The following CADM2 variants were observed in gnomAD, a reference collection of about 807,000 sequenced individuals.
CADM2 encodes the protein immunoglobulin superfamily member 4D.
A neutral mutation model predicts 49.8 loss-of-function variants in CADM2; 12 were observed. The observed-to-expected ratio is 0.24, with a 90% CI of 0.15 to 0.39. The LOEUF (loss-of-function observed/expected upper bound fraction) is 0.39. CADM2 is among the 10% of genes least tolerant of loss of function. CADM2 has a pLI of 1.00. For missense variants in CADM2, 378 were observed against 492.3 expected, an observed-to-expected ratio of 0.77 and a Z score of 2.20; for synonymous variants, 214 against 175.4, an observed-to-expected ratio of 1.22 and a Z score of -1.74.
At chr3:85,509,278 G>A (rs1423253309) in intron 1 of CADM2, among the ~76,000 whole-genome samples, 1 of 152,068 alleles carries the variant, frequency 6.6e-6, no homozygotes, top group Non-Finnish European at 1.5e-5. Context: ...AACTATAGTA[G>A]GGGAAAGTAG....
At chr3:85,991,404 G>T (rs182176386) in intron 8 of CADM2, among the ~76,000 whole-genome samples, 1 of 152,060 alleles carries the variant, frequency 6.6e-6, no homozygotes, top group Non-Finnish European at 1.5e-5. Flanking sequence ...TCTATAGTAG[G>T]ATAAAACAGA....
chr3:85,902,130 C>G (rs1227384179), intron 5 of CADM2, among the ~76,000 whole-genome samples: 1 of 151,936 alleles, frequency 6.6e-6, no homozygotes, highest in Non-Finnish European at 1.5e-5. Context: ...GCTTTCAATT[C>G]TCTTGAGTAT....
intron 8 of CADM2, among the ~76,000 whole-genome samples, chr3:86,017,748 A>C (rs564742660): frequency 8.6e-5 from 13 of 151,336 alleles, no homozygotes; most frequent in African/African-American, 3.1e-4. Flanking sequence ...AAAAGAAAGA[A>C]AAAGAAGAAG....
chr3:85,962,780 C>A (rs1577794849), intron 8 of CADM2, among the ~76,000 whole-genome samples: 2 of 151,860 alleles, frequency 1.3e-5, no homozygotes, highest in South Asian at 4.1e-4. Flanking sequence ...ACCAAGAAAA[C>A]TTTTCTGGGA....
chr3:85,432,829 T>C (rs1433708), intron 1 of CADM2, among the ~76,000 whole-genome samples: 85,973 of 151,900 alleles, frequency 0.57, 25,332 homozygotes, highest in East Asian at 0.83. Flanking sequence ...AAACTAAGTT[T>C]TGAAACCTCT....
intron 1 of CADM2, among the ~76,000 whole-genome samples, chr3:85,694,342 A>G (rs1238190501): frequency 6.6e-6 from 1 of 152,206 alleles, no homozygotes; most frequent in African/African-American, 2.4e-5. Flanking sequence ...CTTCCTTGTA[A>G]GAGGAAGGGA....
At chr3:85,353,131 T>A (rs190089870) in intron 1 of CADM2, among the ~76,000 whole-genome samples, 51 of 152,248 alleles carry the variant, frequency 3.3e-4, no homozygotes, top group Admixed American at 2.0e-3. Context: ...TATTTTTTCT[T>A]ATTTTTTTAT....
intron 1 of CADM2, among the ~76,000 whole-genome samples, chr3:85,111,362 A>T (rs1168187445): frequency 1.3e-5 from 2 of 151,802 alleles, no homozygotes; most frequent in East Asian, 3.8e-4. Context: ...ATATGGTTCA[A>T]ATTTAAGCCT....
In CADM2 at chr3:85,536,260, G is replaced by A. The variant is rs114406034; in HGVS notation, c.62-190262G>A. Among the ~76,000 whole-genome samples, 1,351 of 151,998 alleles carry A rather than the reference G, an allele frequency of 8.9e-3. 21 individuals are homozygous for A. The highest frequency in any genetic ancestry group is 0.03 in the African/African-American group (1,227 of 41,480). ...CTAGAATCTCAGGTATGTGAGAAAG[G>A]ATAGCTCATACCTGAGATTCGTTAG... is the stretch of plus-strand genomic sequence containing the variant. On this transcript the variant is annotated intron_variant, in intron 1 of 9. Coordinates refer to ENST00000383699, the MANE Select transcript of CADM2 (RefSeq NM_001167675.2).
At chr3:85,869,853 G>A (rs1454801305) in intron 3 of CADM2, among the ~76,000 whole-genome samples, 1 of 152,072 alleles carries the variant, frequency 6.6e-6, no homozygotes, top group Admixed American at 6.5e-5. Context: ...AGTAGAGACG[G>A]AGTTTCACCA....
Position 85,708,534 on chromosome 3 carries a change from T to G in CADM2, c.62-17988T>G, listed in dbSNP as rs952567411. ...AATATACACACTCACCAGCAGGTCA[T>G]GGTCCCTAGGTGAATCCCTTGTGAT... On this transcript the variant is annotated intron_variant, in intron 1 of 9. Transcript: ENST00000383699. 2.6e-5 allele frequency among the ~76,000 whole-genome samples: 4 copies of G among 152,298 alleles called. No homozygotes were observed. The South Asian group carries it at 6.2e-4, about 24-fold the overall frequency.
chr3:85,930,009 T>C (rs1056501066), intron 6 of CADM2, among the ~76,000 whole-genome samples: 1 of 152,028 alleles, frequency 6.6e-6, no homozygotes, highest in African/African-American at 2.4e-5. Flanking sequence ...ATTACTGTAG[T>C]ACTTGTGGTT....
At chr3:84,968,295 T>C (rs1468248059) in intron 1 of CADM2, among the ~76,000 whole-genome samples, 1 of 152,040 alleles carries the variant, frequency 6.6e-6, no homozygotes, top group Non-Finnish European at 1.5e-5. Flanking sequence ...TGCAGCTTTC[T>C]TTAGAAAATG....
chr3:85,919,639 C>T (rs548888683), intron 6 of CADM2, among the ~76,000 whole-genome samples: 2 of 151,780 alleles, frequency 1.3e-5, no homozygotes, highest in Non-Finnish European at 3.0e-5. Context: ...CTAATAAAGT[C>T]AATCCATTTT....
intron 1 of CADM2, among the ~76,000 whole-genome samples, chr3:84,973,227 G>A (rs147982784): frequency 6.6e-6 from 1 of 152,150 alleles, no homozygotes; most frequent in African/African-American, 2.4e-5. Context: ...ATGCCTTTCT[G>A]AATCAAAATT....
At chr3:85,473,118 T>C (rs2038836980) in intron 1 of CADM2, among the ~76,000 whole-genome samples, 1 of 152,078 alleles carries the variant, frequency 6.6e-6, no homozygotes, top group Non-Finnish European at 1.5e-5. Context: ...TGAATTTAAA[T>C]TGCCAGTTAC....
intron 1 of CADM2, among the ~76,000 whole-genome samples, chr3:85,522,482 G>T (rs2061046413): frequency 6.6e-6 from 1 of 152,020 alleles, no homozygotes; most frequent in Non-Finnish European, 1.5e-5. Context: ...ATAAAGATCA[G>T]AAACTTAATA....
intron 8 of CADM2, among the ~76,000 whole-genome samples, chr3:86,004,061 A>G (rs1730493472): frequency 6.6e-6 from 1 of 152,110 alleles, no homozygotes. Context: ...GATAAGGAGT[A>G]TTGATATTCT....
intron 1 of CADM2, among the ~76,000 whole-genome samples, chr3:85,419,648 A>T (rs965302893): frequency 6.6e-6 from 1 of 152,048 alleles, no homozygotes; most frequent in African/African-American, 2.4e-5. Flanking sequence ...ACTCCTACAA[A>T]CTTCTATCAT....
Sources: gnomAD v4.1 joint callset for allele counts (sites outside exome capture counted in the v4.1 genomes callset) on GRCh38, gnomAD v4.1.1 for gene constraint, MANE v1.5 for transcripts, NCBI Gene and HGNC (gene_info 2026-07-23, HGNC 2026-07-21) for gene names.